The following LMBRD1 variants were observed in gnomAD, a reference collection of about 807,000 sequenced individuals.
LMBRD1 encodes lysosomal cobalamin transport escort protein LMBD1.
Under a neutral mutation model 74.8 loss-of-function variants are expected in LMBRD1, and 64 were observed. The ratio of observed to expected loss-of-function variants is 0.86; its 90% CI spans 0.70 to 1.05. The LOEUF (loss-of-function observed/expected upper bound fraction) is 1.05. LMBRD1 is among the 50% of genes least tolerant of loss of function. LMBRD1 has a pLI of 0.00. For synonymous variants in LMBRD1, 204 were observed against 216.3 expected, an observed-to-expected ratio of 0.94 and a Z score of 0.50; for missense variants, 652 against 645.9, an observed-to-expected ratio of 1.01 and a Z score of -0.10.
chr6:69,706,394 G>A (rs1164537174), intron 9 of LMBRD1, among the ~76,000 whole-genome samples: 1 of 152,128 alleles, frequency 6.6e-6, no homozygotes, highest in African/African-American at 2.4e-5. Context: ...CAAGTGAAAA[G>A]TATGTTAATC....
chr6:69,733,390 T>C (rs770142798), intron 7 of LMBRD1, among the ~76,000 whole-genome samples: 4 of 152,166 alleles, frequency 2.6e-5, no homozygotes, highest in Non-Finnish European at 4.4e-5. Context: ...CAAGCAAATA[T>C]GATAATTATA....
intron 3 of LMBRD1, among the ~76,000 whole-genome samples, chr6:69,776,300 A>G (rs948553643): frequency 6.6e-6 from 1 of 152,230 alleles, no homozygotes; most frequent in Non-Finnish European, 1.5e-5. Context: ...CTCCTAAACA[A>G]TTTCATTGAG....
chr6:69,716,952 A>C (rs1582081748), intron 8 of LMBRD1, among the ~76,000 whole-genome samples: 2 of 151,602 alleles, frequency 1.3e-5, no homozygotes, highest in African/African-American at 4.8e-5. Context: ...ACAACATTCA[A>C]TTTTCTTTAA....
At chr6:69,766,283 A>T (rs530072946) in intron 3 of LMBRD1, among the ~76,000 whole-genome samples, 2 of 152,008 alleles carry the variant, frequency 1.3e-5, no homozygotes. Flanking sequence ...ACCACTAAGT[A>T]TAATGTAGCT....
intron 3 of LMBRD1, among the ~76,000 whole-genome samples, chr6:69,762,452 A>C (rs1765391858): frequency 6.7e-6 from 1 of 148,592 alleles, no homozygotes; most frequent in Non-Finnish European, 1.5e-5. Flanking sequence ...TCTCTACCAA[A>C]AAACAAAAAA....
In LMBRD1 at chr6:69,694,436, G is replaced by A. The variant is rs973669245; in HGVS notation, c.1417+3127C>T. On this transcript the variant is annotated intron_variant, in intron 14 of 15. Coordinates refer to ENST00000649934, the MANE Select transcript of LMBRD1 (RefSeq NM_018368.4). ...ACTATCAACCCTACTTGTGATGTAC[G>A]TATACATTTCAAAGTAAAAAATCTT... is the stretch of plus-strand genomic sequence containing the variant. 4.6e-5 allele frequency among the ~76,000 whole-genome samples: 7 copies of A among 152,134 alleles called. No homozygotes were observed. The South Asian group carries it at 6.2e-4, about 14-fold the overall frequency.
At chr6:69,737,764 A>G (rs763447582) in intron 7 of LMBRD1, among the ~76,000 whole-genome samples, 178 bp downstream of exon 7, 39 of 151,826 alleles carry the variant, frequency 2.6e-4, no homozygotes, top group Admixed American at 5.9e-4. Flanking sequence ...GCACAAATAC[A>G]GCTAAAATGA....
intron 3 of LMBRD1, among the ~76,000 whole-genome samples, chr6:69,760,873 T>G (rs1249225752): frequency 6.6e-6 from 1 of 152,042 alleles, no homozygotes; most frequent in South Asian, 2.1e-4. Context: ...AAGAGAGAGA[T>G]AAAACCCGAG....
At chr6:69,706,428 G>C (rs1480342593) in intron 9 of LMBRD1, among the ~76,000 whole-genome samples, 2 of 152,136 alleles carry the variant, frequency 1.3e-5, no homozygotes, top group African/African-American at 4.8e-5. Flanking sequence ...ACAATTTCTA[G>C]TTTTAACGCA....
intron 3 of LMBRD1, among the ~76,000 whole-genome samples, chr6:69,758,922 G>A (rs995428510): frequency 7.2e-5 from 11 of 152,044 alleles, no homozygotes; most frequent in African/African-American, 2.4e-4. Flanking sequence ...CATTAACTGT[G>A]TAGCAGCAAC....
rs774355755 is a variant in LMBRD1, at chr6:69,796,861, G to C, written c.21C>G (p.Ala7=). 2 of 1,614,040 alleles carry C rather than the reference G, an allele frequency of 1.2e-6. No homozygotes were observed. Residue 7 remains alanine (A), a synonymous_variant, in exon 1 of 16, where the codon GCC becomes GCG. Coordinates refer to ENST00000649934, the MANE Select transcript of LMBRD1 (RefSeq NM_018368.4). MATSGA[A]SAELVIGWCI... is the part of the protein sequence containing the mutation. ...ACCAGCCGATCACCAGCTCCGCCGA[G>C]GCCGCGCCAGAAGTCGCCATCTTCG...
At chr6:69,769,750 TTTTTAA>T (rs1037430638) in intron 3 of LMBRD1, among the ~76,000 whole-genome samples, 2 of 151,850 alleles carry the variant, frequency 1.3e-5, no homozygotes, top group African/African-American at 4.8e-5. Flanking sequence ...GTGTTTTTTT[TTTTTAA>T]TTTTTATCCC....
chr6:69,701,984 A>C (rs748423515), intron 9 of LMBRD1, 31 bp from the exon 10 acceptor site: 2 of 1,330,920 alleles, frequency 1.5e-6, no homozygotes, highest in Non-Finnish European at 2.2e-6. Flanking sequence ...ATTAAAATAT[A>C]GTTCTAAAAG....
intron 7 of LMBRD1, among the ~76,000 whole-genome samples, chr6:69,726,973 G>A (rs1766750817): frequency 6.6e-6 from 1 of 152,050 alleles, no homozygotes; most frequent in South Asian, 2.1e-4. Flanking sequence ...GGTCAACATG[G>A]TGAAATCCCA....
chr6:69,733,952 C>T (rs996225257), intron 7 of LMBRD1, among the ~76,000 whole-genome samples: 11 of 152,180 alleles, frequency 7.2e-5, no homozygotes, highest in Non-Finnish European at 1.6e-4. Flanking sequence ...CAGTAGATTC[C>T]AAGACTTGGT....
intron 3 of LMBRD1, among the ~76,000 whole-genome samples, chr6:69,755,973 TTAGCA>T (rs983555399): frequency 1.3e-5 from 2 of 152,214 alleles, no homozygotes; most frequent in African/African-American, 4.8e-5. Context: ...TTATATTTAA[TTAGCA>T]TAGCAAAGTA....
intron 2 of LMBRD1, among the ~76,000 whole-genome samples, chr6:69,786,498 A>C (rs57913618): frequency 0.48 from 72,067 of 150,126 alleles, 17,893 homozygotes; most frequent in African/African-American, 0.61. Context: ...TTTTTTTTTT[A>C]CTATTGGATC....
intron 9 of LMBRD1, among the ~76,000 whole-genome samples, chr6:69,707,965 A>T (rs191350037): frequency 6.6e-6 from 1 of 152,342 alleles, no homozygotes; most frequent in Non-Finnish European, 1.5e-5. Context: ...TCATAGACTG[A>T]GGCATATATA....
chr6:69,728,226 C>T, intron 7 of LMBRD1, among the ~76,000 whole-genome samples: 1 of 152,084 alleles, frequency 6.6e-6, no homozygotes, highest in Non-Finnish European at 1.5e-5. Flanking sequence ...CTCGTGAGAA[C>T]TCTATCCCAA....
Sources: gnomAD v4.1 joint callset for allele counts (sites outside exome capture counted in the v4.1 genomes callset) on GRCh38, gnomAD v4.1.1 for gene constraint, MANE v1.5 for transcripts, NCBI Gene and HGNC (gene_info 2026-07-23, HGNC 2026-07-21) for gene names.